Variants in TENM3 observed in about 807,000 individuals in gnomAD.
The protein encoded by TENM3 is teneurin-3.
A neutral mutation model predicts 255.1 loss-of-function variants in TENM3; 63 were observed. That is an observed-to-expected ratio of 0.25 (90% CI 0.20 to 0.30). The LOEUF is 0.30. Among genes scored for constraint, TENM3 ranks in the 10% least tolerant of loss-of-function variants. TENM3 has a pLI of 1.00. For synonymous variants in TENM3, 1,306 were observed against 1,322.3 expected, an observed-to-expected ratio of 0.99 and a Z score of 0.27; for missense variants, 2,929 against 3,461.1, an observed-to-expected ratio of 0.85 and a Z score of 3.86.
the TENM3 span, among the ~76,000 whole-genome samples, chr4:182,078,664 T>G: frequency 1.3e-5 from 2 of 152,132 alleles, no homozygotes; most frequent in Admixed American, 6.6e-5. Context: ...GGAGGAACTG[T>G]GTCAGTGTGA....
the TENM3 span, among the ~76,000 whole-genome samples, chr4:181,767,067 A>C: frequency 7.6e-6 from 1 of 131,724 alleles, no homozygotes; most frequent in Middle Eastern, 3.8e-3. Flanking sequence ...TCTGGCTAAC[A>C]AGGGGAAATC....
chr4:182,020,653 C>T, the TENM3 span, among the ~76,000 whole-genome samples: 1 of 152,080 alleles, frequency 6.6e-6, no homozygotes, highest in East Asian at 1.9e-4. Flanking sequence ...TCTCTAGGTA[C>T]CCGATAAATA....
At chr4:181,809,975 C>T in the TENM3 span, among the ~76,000 whole-genome samples, 4 of 152,196 alleles carry the variant, frequency 2.6e-5, no homozygotes, top group South Asian at 6.2e-4. Flanking sequence ...CTTCTCACCT[C>T]CAGAACTATA....
exon 1 of TENM3, chr4:182,144,709 G>GGCT (rs1373450315): frequency 6.8e-6 from 1 of 146,592 alleles, no homozygotes; most frequent in Non-Finnish European, 1.5e-5. Flanking sequence ...CGGACGCGGC[G>GGCT]GCTGCTGCCG....
the TENM3 span, among the ~76,000 whole-genome samples, chr4:182,098,818 T>C: frequency 0.023 from 3,433 of 152,230 alleles, 58 homozygotes; most frequent in Non-Finnish European, 0.034. Context: ...ACTAGAAGAA[T>C]AGAATTGGAA....
chr4:182,196,512 G>T (rs1753842344), intron 1 of TENM3, among the ~76,000 whole-genome samples: 1 of 152,098 alleles, frequency 6.6e-6, no homozygotes, highest in Non-Finnish European at 1.5e-5. Flanking sequence ...GGTGGCAGGA[G>T]GTAAGCCTGG....
chr4:182,664,403 G>A (rs193269364), intron 6 of TENM3, among the ~76,000 whole-genome samples: 28 of 152,268 alleles, frequency 1.8e-4, no homozygotes, highest in Admixed American at 2.0e-4. Flanking sequence ...TCCGTGACCA[G>A]CATCCCCACC....
In TENM3 at chr4:182,381,559, C is replaced by T. The variant is rs71620928; in HGVS notation, c.511+34630C>T. ...TTTTCCTCCCCTCCCCTCCCCTCTT[C>T]TCCCCTCCCCTCCCCTCCGGAGTTT... On this transcript the variant is annotated intron_variant, in intron 3 of 27. Transcript: ENST00000511685. Among the ~76,000 whole-genome samples, 238 of 78,644 alleles carry T rather than the reference C, an allele frequency of 3.0e-3. 2 individuals are homozygous for T. The highest frequency in any genetic ancestry group is 8.4e-4 in the Non-Finnish European group (34 of 40,648). The allele number at this position is 78,644 out of a possible 152,430, so 51.6% of individuals were successfully genotyped here.
intron 4 of TENM3, among the ~76,000 whole-genome samples, chr4:182,602,179 C>T (rs1380470873): frequency 1.3e-5 from 2 of 152,210 alleles, no homozygotes; most frequent in Non-Finnish European, 2.9e-5. Context: ...TATTGGTCTT[C>T]TGTTGGCAGC....
intron 3 of TENM3, among the ~76,000 whole-genome samples, chr4:182,419,152 CT>C: frequency 6.6e-6 from 1 of 152,234 alleles, no homozygotes; most frequent in South Asian, 2.1e-4. Flanking sequence ...AGACTCTGTA[CT>C]AAATGTGTTA....
At chr4:181,602,829 T>C in the TENM3 span, among the ~76,000 whole-genome samples, 18 of 152,326 alleles carry the variant, frequency 1.2e-4, no homozygotes, top group South Asian at 1.2e-3. Flanking sequence ...GCCATTGTTA[T>C]AGTCTAGCTT....
At chr4:181,712,029 A>T in the TENM3 span, among the ~76,000 whole-genome samples, 2 of 152,174 alleles carry the variant, frequency 1.3e-5, no homozygotes, top group South Asian at 4.1e-4. Flanking sequence ...ATTATCGGTC[A>T]AATTCCCCAT....
At chr4:182,559,703 C>A (rs1742946754) in intron 3 of TENM3, among the ~76,000 whole-genome samples, 1 of 152,036 alleles carries the variant, frequency 6.6e-6, no homozygotes, top group South Asian at 2.1e-4. Flanking sequence ...AGCTTTATTT[C>A]ATTCACAGTT....
the TENM3 span, among the ~76,000 whole-genome samples, chr4:181,898,577 CA>C: frequency 9.8e-5 from 15 of 152,306 alleles, no homozygotes; most frequent in Non-Finnish European, 1.5e-4. Flanking sequence ...TTCTAATCAG[CA>C]AACTTGAACT....
chr4:182,398,503 G>T (rs997029500), intron 3 of TENM3, among the ~76,000 whole-genome samples: 2 of 152,160 alleles, frequency 1.3e-5, no homozygotes, highest in Non-Finnish European at 2.9e-5. Context: ...ACTGTGAATC[G>T]CTGTGAGAGG....
the TENM3 span, among the ~76,000 whole-genome samples, chr4:181,751,220 C>A: frequency 6.6e-6 from 1 of 151,966 alleles, no homozygotes; most frequent in African/African-American, 2.4e-5. Flanking sequence ...AATAGCATTG[C>A]GGGGTTAGGG....
intron 22 of TENM3, among the ~76,000 whole-genome samples, chr4:182,764,158 CA>C (rs1231553651): frequency 1.3e-5 from 2 of 152,198 alleles, no homozygotes; most frequent in Non-Finnish European, 2.9e-5. Flanking sequence ...AACAGATTGA[CA>C]AATTATTAAA....
At chr4:182,309,896 G>T (rs1762343130) in intron 1 of TENM3, among the ~76,000 whole-genome samples, 1 of 152,148 alleles carries the variant, frequency 6.6e-6, no homozygotes, top group South Asian at 2.1e-4. Flanking sequence ...TACTCATTAT[G>T]TTATGTGCCA....
chr4:182,038,737 A>G, the TENM3 span, among the ~76,000 whole-genome samples: 2 of 152,228 alleles, frequency 1.3e-5, no homozygotes, highest in Middle Eastern at 3.4e-3. Flanking sequence ...TTATTTTATT[A>G]TGATTATTTT....
Sources: allele counts gnomAD v4.1 joint callset (sites outside exome capture counted in the v4.1 genomes callset), GRCh38; gene constraint gnomAD v4.1.1; transcripts MANE v1.5; gene names NCBI Gene and HGNC (gene_info 2026-07-23, HGNC 2026-07-21).